The following CACNA1C variants were observed in gnomAD, a reference collection of about 807,000 sequenced individuals.
CACNA1C encodes the protein calcium voltage-gated channel subunit alpha1 C.
Under a neutral mutation model 229.0 loss-of-function variants are expected in CACNA1C, and 30 were observed. That is an observed-to-expected ratio of 0.13 (90% CI 0.10 to 0.18). CACNA1C has a LOEUF of 0.18. Among genes scored for constraint, CACNA1C ranks in the 10% least tolerant of loss-of-function variants. The pLI is 1.00. For missense variants in CACNA1C, 1,658 were observed against 2,845.0 expected (o/e 0.58, Z 9.49); for synonymous variants, 1,114 against 1,132.5 (o/e 0.98, Z 0.33).
At chr12:2,612,098 T>A in intron 29 of CACNA1C, 85 bp downstream of exon 29, 2 of 827,230 alleles carry the variant, frequency 2.4e-6, no homozygotes, top group Non-Finnish European at 4.1e-6. Context: ...GAAGGCAGAA[T>A]GAGGGGAAGA....
At chr12:2,221,363 T>TAGG (rs996782027) in intron 3 of CACNA1C, among the ~76,000 whole-genome samples, 6 of 151,824 alleles carry the variant, frequency 4.0e-5, no homozygotes, top group Non-Finnish European at 7.4e-5. Context: ...GCCAGTTGGG[T>TAGG]AGGAGAATAG....
intron 1 of CACNA1C, among the ~76,000 whole-genome samples, chr12:2,006,147 T>TAC (rs1565903335): frequency 2.6e-5 from 4 of 151,882 alleles, no homozygotes; most frequent in African/African-American, 9.7e-5. Flanking sequence ...CGGTGGCTCC[T>TAC]GCCTGTAATC....
intron 1 of CACNA1C, among the ~76,000 whole-genome samples, chr12:1,977,402 G>C (rs1415707871): frequency 2.0e-5 from 3 of 152,142 alleles, no homozygotes. Flanking sequence ...TGTGACTCCT[G>C]CTTGATCACT....
chr12:2,096,559 A>G (rs2074080160), intron 1 of CACNA1C, among the ~76,000 whole-genome samples: 1 of 152,214 alleles, frequency 6.6e-6, no homozygotes, highest in Non-Finnish European at 1.5e-5. Flanking sequence ...AACACATTAA[A>G]TTGAGGTAAC....
chr12:2,287,666 C>T lies in CACNA1C; in HGVS notation c.478-161310C>T, dbSNP rs1202623267. ...AACAAAAAACAATGCCAGGATCCTA[C>T]AGTCTACTCCACGCCCTTCATTTTC... On this transcript the variant is annotated intron_variant, in intron 3 of 46. Transcript: ENST00000399655. This position sits in a 1 kb window ranked among gnomAD's most constrained non-coding sequence, Gnocchi z 4.6. 6.6e-6 allele frequency among the ~76,000 whole-genome samples: 1 copy of T among 152,194 alleles called. No homozygotes were observed. Among genetic ancestry groups the T allele is most frequent in the Non-Finnish European group, 1.5e-5 (1 of 68,032 alleles).
chr12:2,074,651 T>A (rs998923858), intron 1 of CACNA1C, among the ~76,000 whole-genome samples: 2 of 152,194 alleles, frequency 1.3e-5, no homozygotes, highest in Admixed American at 1.3e-4. Context: ...AATAGCTGTC[T>A]CTTCCCTGCT....
chr12:2,430,701 G>A (rs914153572), intron 3 of CACNA1C, among the ~76,000 whole-genome samples: 7 of 152,044 alleles, frequency 4.6e-5, no homozygotes, highest in African/African-American at 1.7e-4. Context: ...CCGCTTACTG[G>A]TATACTCCTT....
At position 2,610,982 on chromosome 12, in the gene CACNA1C, G is replaced by T. The variant is rs2077386207; in HGVS notation, c.3717+283G>T. On this transcript the variant is annotated intron_variant, in intron 28 of 46. Transcript: ENST00000399655. ...TTGGTTGATCAATGGAGAGAGGGGA[G>T]GAGATGGAGAACGGAGGGATGAGCT... Among the ~76,000 whole-genome samples the T allele has an allele frequency of 5.3e-5, 8 of 152,002 alleles. No individual in the cohort carries two copies. The South Asian group carries it at 1.7e-3, about 32-fold the overall frequency.
At chr12:2,109,734 G>C (rs2080880858) in intron 1 of CACNA1C, among the ~76,000 whole-genome samples, 1 of 152,192 alleles carries the variant, frequency 6.6e-6, no homozygotes, top group Non-Finnish European at 1.5e-5. Flanking sequence ...AAAAGGTCAG[G>C]GTGGCTACTG....
chr12:2,254,406 T>C (rs1017366804), intron 3 of CACNA1C, among the ~76,000 whole-genome samples: 5 of 152,234 alleles, frequency 3.3e-5, no homozygotes, highest in African/African-American at 1.2e-4. Context: ...TACTCCAGTC[T>C]GTTGTTTTGA....
chr12:2,491,971 T>C (rs1047263725), intron 6 of CACNA1C, among the ~76,000 whole-genome samples: 4 of 147,596 alleles, frequency 2.7e-5, no homozygotes, highest in Non-Finnish European at 6.0e-5. Context: ...ATTCTCTCTC[T>C]CTCTCTCTCT....
chr12:2,003,735 C>A (rs1043951666), intron 1 of CACNA1C, among the ~76,000 whole-genome samples: 12 of 152,228 alleles, frequency 7.9e-5, no homozygotes, highest in African/African-American at 2.6e-4. Flanking sequence ...TAGACCCTGC[C>A]CCATTTTGTC....
chr12:2,534,841 T>C (rs1475284597), intron 9 of CACNA1C, among the ~76,000 whole-genome samples: 1 of 152,238 alleles, frequency 6.6e-6, no homozygotes, highest in Non-Finnish European at 1.5e-5. Flanking sequence ...TAGGTTCTCC[T>C]TATCTAAATT....
At chr12:2,109,224 TG>T (rs1161446047) in intron 1 of CACNA1C, among the ~76,000 whole-genome samples, 2 of 151,968 alleles carry the variant, frequency 1.3e-5, no homozygotes, top group Non-Finnish European at 2.9e-5. Flanking sequence ...CACGGCTGAT[TG>T]GGGGGTCCCT....
chr12:2,025,305 C>G (rs566361089), intron 1 of CACNA1C, among the ~76,000 whole-genome samples: 1 of 152,194 alleles, frequency 6.6e-6, no homozygotes, highest in Non-Finnish European at 1.5e-5. Context: ...TGATTCCAAG[C>G]GGTGGTGTCT....
intron 11 of CACNA1C, among the ~76,000 whole-genome samples, chr12:2,564,076 CATTTCAGCTTCCTTGCGCTG>C (rs1296001568): frequency 1.3e-5 from 2 of 152,206 alleles, no homozygotes; most frequent in African/African-American, 4.8e-5. Context: ...TGGAGGACCT[CATTTCAGCTTCCTTGCGCTG>C]AAGTGGAGGG....
At chr12:2,447,729 G>T (rs1320472854) in intron 3 of CACNA1C, among the ~76,000 whole-genome samples, 1 of 152,222 alleles carries the variant, frequency 6.6e-6, no homozygotes, top group African/African-American at 2.4e-5. Context: ...AGCTGGCTAG[G>T]CAGGAGGAGG....
rs1566879731 is a variant in CACNA1C at position 2,285,566 on chromosome 12, C to CACCTCCTT, written c.478-163409_478-163408insCCTCCTTA. 3.9e-5 allele frequency among the ~76,000 whole-genome samples: 6 copies of CACCTCCTT among 152,148 alleles called. No homozygotes were observed. Among genetic ancestry groups the CACCTCCTT allele is most frequent in the African/African-American group, 1.4e-4 (6 of 41,436 alleles). On this transcript the variant is annotated intron_variant, in intron 3 of 46. Coordinates refer to ENST00000399655, the MANE Select transcript of CACNA1C (RefSeq NM_000719.7). This position sits in a 1 kb window ranked among gnomAD's most constrained non-coding sequence, Gnocchi z 4.2. ...ACTCTCCTTAAACACCTCCTCATCC[C>CACCTCCTT]AGACGGGTTGACTTTCAATGAGAGG...
At chr12:2,249,496 C>G (rs1349950919) in intron 3 of CACNA1C, among the ~76,000 whole-genome samples, 3 of 152,156 alleles carry the variant, frequency 2.0e-5, no homozygotes, top group Admixed American at 2.0e-4. Flanking sequence ...TTGTTGCCCT[C>G]TGATTGTAAA....
Sources: gnomAD v4.1 joint callset for allele counts (sites outside exome capture counted in the v4.1 genomes callset) on GRCh38, gnomAD v4.1.1 for gene constraint, Gnocchi (gnomAD v3.1) non-coding constraint, MANE v1.5 for transcripts, NCBI Gene and HGNC (gene_info 2026-07-23, HGNC 2026-07-21) for gene names.